Variants in EPHA6 observed in about 807,000 individuals in gnomAD.
EPHA6 encodes EPH receptor A6, also known as ephrin type-A receptor 6.
Under a neutral mutation model 112.0 loss-of-function variants are expected in EPHA6, and 50 were observed. The ratio of observed to expected loss-of-function variants is 0.45; its 90% CI spans 0.36 to 0.56. EPHA6 has a LOEUF of 0.56. EPHA6 is among the 20% of genes least tolerant of loss of function. The pLI is 0.00. For missense variants in EPHA6, 1,280 were observed against 1,417.4 expected, an observed-to-expected ratio of 0.90 and a Z score of 1.56; for synonymous variants, 529 against 490.7, an observed-to-expected ratio of 1.08 and a Z score of -1.03.
At chr3:97,000,292 CATATAT>C (rs1026183123) in intron 3 of EPHA6, among the ~76,000 whole-genome samples, 4 of 148,010 alleles carry the variant, frequency 2.7e-5, no homozygotes, top group African/African-American at 9.9e-5. Context: ...CACACACACA[CATATAT>C]ATAGCCATAT....
chr3:97,492,989 TTTG>T (rs2091889720), intron 10 of EPHA6, among the ~76,000 whole-genome samples: 1 of 151,488 alleles, frequency 6.6e-6, no homozygotes, highest in African/African-American at 2.4e-5. Flanking sequence ...TTTTTTTTTT[TTTG>T]ATGTGAATGT....
chr3:97,254,130 CAATT>C (rs1193302906), intron 5 of EPHA6, among the ~76,000 whole-genome samples: 2 of 151,690 alleles, frequency 1.3e-5, no homozygotes, highest in Non-Finnish European at 2.9e-5. Context: ...AAGAGGTAAA[CAATT>C]AAATGCTATT....
chr3:97,406,900 T>A (rs184823737), intron 6 of EPHA6, among the ~76,000 whole-genome samples: 1 of 152,276 alleles, frequency 6.6e-6, no homozygotes. Flanking sequence ...ATATGTTTTC[T>A]GTTGACTGGT....
At chr3:97,041,885 C>G (rs2045328891) in intron 3 of EPHA6, among the ~76,000 whole-genome samples, 1 of 152,088 alleles carries the variant, frequency 6.6e-6, no homozygotes, top group Non-Finnish European at 1.5e-5. Flanking sequence ...CCCCAGTGAT[C>G]TAATCACCTC....
chr3:96,852,445 A>T (rs1341796424), intron 1 of EPHA6, among the ~76,000 whole-genome samples: 2 of 152,038 alleles, frequency 1.3e-5, no homozygotes, highest in Non-Finnish European at 2.9e-5. Flanking sequence ...ATAATAATAA[A>T]AAAAGTGAAG....
chr3:97,357,298 C>T lies in EPHA6; in HGVS notation c.1607-47852C>T, dbSNP rs148794263. ...CTCGGCTCACTGCAGTCTTCACCTC[C>T]CAGGTTCAAGTGATTCTTGTGCCTA... On this transcript the variant is annotated intron_variant, in intron 5 of 17. Coordinates refer to ENST00000389672, the MANE Select transcript of EPHA6 (RefSeq NM_001080448.3). 2.3e-4 allele frequency among the ~76,000 whole-genome samples: 35 copies of T among 152,170 alleles called. No homozygotes were observed. In the East Asian group the frequency reaches 5.8e-3, roughly 25 times the overall value.
At chr3:97,322,445 A>G (rs2082164766) in intron 5 of EPHA6, among the ~76,000 whole-genome samples, 1 of 151,994 alleles carries the variant, frequency 6.6e-6, no homozygotes, top group South Asian at 2.1e-4. Flanking sequence ...ACACAAGGTG[A>G]CCTTTAGAAG....
At chr3:97,723,569 C>G (rs924073328) in intron 15 of EPHA6, among the ~76,000 whole-genome samples, 2 of 152,140 alleles carry the variant, frequency 1.3e-5, no homozygotes, top group African/African-American at 4.8e-5. Context: ...AACTCTTCCT[C>G]CACCCAGAGC....
At chr3:97,084,626 A>G (rs932311739) in intron 3 of EPHA6, among the ~76,000 whole-genome samples, 1 of 152,108 alleles carries the variant, frequency 6.6e-6, no homozygotes, top group Non-Finnish European at 1.5e-5. Context: ...TGAGAGCCAA[A>G]TCTGGAACAC....
intron 14 of EPHA6, among the ~76,000 whole-genome samples, chr3:97,699,866 A>G (rs2033272343): frequency 6.6e-6 from 1 of 152,228 alleles, no homozygotes; most frequent in Admixed American, 6.5e-5. Flanking sequence ...TTGCCTAATG[A>G]CTAGAATAAG....
chr3:97,372,608 G>T (rs982288402), intron 5 of EPHA6, among the ~76,000 whole-genome samples: 1 of 152,088 alleles, frequency 6.6e-6, no homozygotes, highest in African/African-American at 2.4e-5. Flanking sequence ...TTATACAGCA[G>T]TTAAAATGAA....
At chr3:97,317,782 T>C (rs145216883) in intron 5 of EPHA6, among the ~76,000 whole-genome samples, 1 of 152,100 alleles carries the variant, frequency 6.6e-6, no homozygotes, top group African/African-American at 2.4e-5. Flanking sequence ...TTCTGTGGTT[T>C]CTAGAACTGC....
chr3:96,910,584 C>T (rs1196092469), intron 2 of EPHA6, among the ~76,000 whole-genome samples: 1 of 152,026 alleles, frequency 6.6e-6, no homozygotes, highest in Non-Finnish European at 1.5e-5. Flanking sequence ...CTCTTGGCTC[C>T]CAACTGTTCT....
intron 5 of EPHA6, among the ~76,000 whole-genome samples, chr3:97,287,622 AG>A (rs1233612797): frequency 6.6e-6 from 1 of 152,160 alleles, no homozygotes; most frequent in Non-Finnish European, 1.5e-5. Context: ...TTTATCATGA[AG>A]GGATGTTAAA....
chr3:97,484,056 G>A lies in EPHA6; in HGVS notation c.2197G>A (p.Ala733Thr), dbSNP rs1374883344. The A allele has an allele frequency of 6.3e-7, 1 of 1,598,286 alleles. No homozygotes were observed. The highest frequency in any genetic ancestry group is 8.5e-7 in the Non-Finnish European group (1 of 1,173,762). ...AATTCGTATTGAGAGAGTCATTGGG[G>A]CAGGTAAATGTCAAATCTACACTTT... ...SRIRIERVIG[A>T]GEFGEVCSGR... is the part of the protein sequence containing the mutation. The change falls in exon 10 of 18, where the codon GCA (alanine) becomes ACA (threonine). Residue 733 changes from alanine (A) to threonine (T), a missense_variant. Coordinates refer to ENST00000389672, the MANE Select transcript of EPHA6 (RefSeq NM_001080448.3).
At chr3:97,652,093 G>C (rs10511162) in intron 14 of EPHA6, among the ~76,000 whole-genome samples, 13,133 of 151,968 alleles carry the variant, frequency 0.086, 673 homozygotes, top group South Asian at 0.22. Flanking sequence ...TAACATACCT[G>C]CTGACATTAA....
chr3:97,500,947 G>T (rs376089712), intron 10 of EPHA6, among the ~76,000 whole-genome samples: 1 of 152,088 alleles, frequency 6.6e-6, no homozygotes, highest in South Asian at 2.1e-4. Context: ...TTTTTTTCTA[G>T]TTCTAAAGTA....
chr3:97,602,916 TG>T (rs1490016492), intron 12 of EPHA6, among the ~76,000 whole-genome samples: 2 of 137,586 alleles, frequency 1.5e-5, no homozygotes, highest in African/African-American at 5.0e-5. Context: ...TTCCTTGCTG[TG>T]TTTTTTTATT....
chr3:97,291,775 T>C (rs1463384561), intron 5 of EPHA6, among the ~76,000 whole-genome samples: 1 of 152,250 alleles, frequency 6.6e-6, no homozygotes, highest in Non-Finnish European at 1.5e-5. Context: ...TGACCTTGTC[T>C]CTTTTTACTG....
Sources: gnomAD v4.1 joint callset for allele counts (sites outside exome capture counted in the v4.1 genomes callset) on GRCh38, gnomAD v4.1.1 for gene constraint, MANE v1.5 for transcripts, NCBI Gene and HGNC (gene_info 2026-07-23, HGNC 2026-07-21) for gene names.